The following ZSWIM5 variants were observed in gnomAD, a reference collection of about 807,000 sequenced individuals.
ZSWIM5 encodes zinc finger SWIM-type containing 5.
A neutral mutation model predicts 119.6 loss-of-function variants in ZSWIM5; 55 were observed. The ratio of observed to expected loss-of-function variants is 0.46; its 90% CI spans 0.37 to 0.58. The LOEUF (loss-of-function observed/expected upper bound fraction) is 0.58. Among genes scored for constraint, ZSWIM5 ranks in the 20% least tolerant of loss-of-function variants. The probability of loss-of-function intolerance (pLI) is 0.00; values close to 1 mark genes in which losing one functional copy is unlikely to be tolerated. For synonymous variants in ZSWIM5, 537 were observed against 606.9 expected (o/e 0.88, Z 1.69); for missense variants, 1,193 against 1,512.8 (o/e 0.79, Z 3.51).
intron 1 of ZSWIM5, among the ~76,000 whole-genome samples, chr1:45,106,531 G>A (rs59220391): frequency 0.16 from 22,257 of 142,920 alleles, 1,691 homozygotes; most frequent in African/African-American, 0.17. Flanking sequence ...CTGCCCGGCC[G>A]CCCATCATCT....
At chr1:45,101,706 C>T (rs906616087) in intron 1 of ZSWIM5, among the ~76,000 whole-genome samples, 1 of 152,164 alleles carries the variant, frequency 6.6e-6, no homozygotes, top group East Asian at 1.9e-4. Flanking sequence ...GAATATTATG[C>T]AGCCATAAAA....
intron 2 of ZSWIM5, among the ~76,000 whole-genome samples, chr1:45,086,678 T>A (rs573289151): frequency 2.0e-5 from 3 of 151,984 alleles, no homozygotes; most frequent in South Asian, 2.1e-4. Context: ...AAATACCTAA[T>A]GTAAATGATG....
At chr1:45,132,733 G>T (rs1011439615) in intron 1 of ZSWIM5, among the ~76,000 whole-genome samples, 14 of 152,096 alleles carry the variant, frequency 9.2e-5, no homozygotes, top group African/African-American at 3.4e-4. Context: ...ATTTGCATTT[G>T]GTATATCTCC....
chr1:45,089,969 A>C (rs1329233620), intron 1 of ZSWIM5, among the ~76,000 whole-genome samples: 6 of 152,196 alleles, frequency 3.9e-5, no homozygotes, highest in African/African-American at 1.4e-4. Flanking sequence ...TGGACTACAC[A>C]CTGTGAACAG....
chr1:45,193,422 G>A (rs1012161275), intron 1 of ZSWIM5, among the ~76,000 whole-genome samples: 1 of 152,154 alleles, frequency 6.6e-6, no homozygotes, highest in Admixed American at 6.5e-5. Flanking sequence ...TCCTACTATT[G>A]TGGGGTAAGA....
At chr1:45,161,789 A>G (rs536759144) in intron 1 of ZSWIM5, among the ~76,000 whole-genome samples, 1 of 152,382 alleles carries the variant, frequency 6.6e-6, no homozygotes, top group African/African-American at 2.4e-5. Context: ...TTATGCCTAT[A>G]GGAACTTATA....
chr1:45,031,928 GCTACATT>G (rs1644955941), intron 11 of ZSWIM5, among the ~76,000 whole-genome samples: 1 of 151,020 alleles, frequency 6.6e-6, no homozygotes, highest in Non-Finnish European at 1.5e-5. Context: ...TAAAACCTTA[GCTACATT>G]CTACAAATTT....
At chr1:45,155,821 G>A (rs1407614946) in intron 1 of ZSWIM5, among the ~76,000 whole-genome samples, 1 of 152,142 alleles carries the variant, frequency 6.6e-6, no homozygotes. Flanking sequence ...CTCATAAGCG[G>A]GAGCTAAACT....
intron 1 of ZSWIM5, among the ~76,000 whole-genome samples, chr1:45,134,791 C>A (rs1300409709): frequency 6.6e-6 from 1 of 152,166 alleles, no homozygotes; most frequent in Non-Finnish European, 1.5e-5. Context: ...TAATGGCCAG[C>A]CACTTCTATG....
intron 2 of ZSWIM5, among the ~76,000 whole-genome samples, chr1:45,081,742 G>A (rs932555018): frequency 3.9e-5 from 6 of 152,164 alleles, no homozygotes; most frequent in Non-Finnish European, 7.3e-5. Context: ...CCCCGTCTGG[G>A]AAGTGAGGAG....
intron 2 of ZSWIM5, among the ~76,000 whole-genome samples, chr1:45,066,656 T>C (rs558625505): frequency 6.6e-6 from 1 of 152,310 alleles, no homozygotes; most frequent in East Asian, 1.9e-4. Flanking sequence ...GGGAATATCA[T>C]GTGAAAATGC....
chr1:45,149,620 C>T (rs1570152386), intron 1 of ZSWIM5, among the ~76,000 whole-genome samples: 1 of 152,130 alleles, frequency 6.6e-6, no homozygotes. Context: ...AAAGAACATA[C>T]ATAACTGTAG....
Position 45,057,163 on chromosome 1 carries a change from T to G in ZSWIM5, c.1252+1446A>C. ...GCAGCATCAGCATCCCCTGGGAATT[T>G]GTTTGAAATGCAAATTCTCAGGCTC... is the stretch of plus-strand genomic sequence containing the variant. On this transcript the variant is annotated intron_variant, in intron 4 of 13. Transcript: ENST00000359600. The surrounding 1 kb of genome is among the most constrained non-coding windows in gnomAD (Gnocchi z 4.7). Among the ~76,000 whole-genome samples, 1 of 152,206 alleles carries G rather than the reference T, an allele frequency of 6.6e-6. No individual in the cohort carries two copies.
chr1:45,090,850 C>T (rs1329019879), intron 1 of ZSWIM5, among the ~76,000 whole-genome samples: 1 of 150,678 alleles, frequency 6.6e-6, no homozygotes, highest in Non-Finnish European at 1.5e-5. Context: ...AAAAAAAGAA[C>T]TAAAGAAGAG....
intron 1 of ZSWIM5, among the ~76,000 whole-genome samples, chr1:45,153,093 TAAAAAAAA>T (rs76324771): frequency 5.7e-5 from 6 of 105,868 alleles, no homozygotes; most frequent in Non-Finnish European, 1.2e-4. Context: ...ATTAAAAAGT[TAAAAAAAA>T]AAAAAAAAAG....
intron 1 of ZSWIM5, among the ~76,000 whole-genome samples, chr1:45,129,579 T>C (rs953192186): frequency 6.6e-6 from 1 of 152,194 alleles, no homozygotes; most frequent in African/African-American, 2.4e-5. Flanking sequence ...TGCTGACATA[T>C]AGGAAAGCAA....
intron 1 of ZSWIM5, among the ~76,000 whole-genome samples, chr1:45,192,284 T>C (rs187227455): frequency 7.9e-5 from 12 of 152,298 alleles, no homozygotes; most frequent in African/African-American, 2.9e-4. Flanking sequence ...TAACTCTTCA[T>C]TTCTCTCTCC....
Position 45,057,064 on chromosome 1 carries a change from G to A in ZSWIM5, c.1252+1545C>T, listed in dbSNP as rs190654126. On this transcript the variant is annotated intron_variant, in intron 4 of 13. Coordinates refer to ENST00000359600, the MANE Select transcript of ZSWIM5 (RefSeq NM_020883.2). The surrounding 1 kb of genome is among the most constrained non-coding windows in gnomAD (Gnocchi z 4.7). ...TAGAATAGTTAGGGGAAGCATGAAT[G>A]CACTGTGTTCTAGTGTCTAACCTAA... Among the ~76,000 whole-genome samples, 35 of 152,310 alleles carry A rather than the reference G, an allele frequency of 2.3e-4. No individual in the cohort carries two copies. Among genetic ancestry groups the A allele is most frequent in the Non-Finnish European group, 4.4e-4 (30 of 68,028 alleles).
At chr1:45,178,745 G>C (rs1645996154) in intron 1 of ZSWIM5, among the ~76,000 whole-genome samples, 1 of 152,014 alleles carries the variant, frequency 6.6e-6, no homozygotes, top group African/African-American at 2.4e-5. Flanking sequence ...CATGTGGAAT[G>C]TTTTGAGACA....
Sources: allele counts gnomAD v4.1 joint callset (sites outside exome capture counted in the v4.1 genomes callset), GRCh38; gene constraint gnomAD v4.1.1; non-coding constraint Gnocchi (gnomAD v3.1); transcripts MANE v1.5; gene names NCBI Gene and HGNC (gene_info 2026-07-23, HGNC 2026-07-21).